Variants in HIVEP2 observed in about 807,000 individuals in gnomAD.
HIVEP2 encodes transcription factor HIVEP2.
A neutral mutation model predicts 180.7 loss-of-function variants in HIVEP2; 14 were observed. The ratio of observed to expected loss-of-function variants is 0.08; its 90% CI spans 0.05 to 0.12. The LOEUF (loss-of-function observed/expected upper bound fraction) is 0.12, where lower values mean the gene tolerates loss of function less well. Ranked by LOEUF, HIVEP2 falls within the 10% of genes least tolerant of loss-of-function variation. The probability of loss-of-function intolerance (pLI) is 1.00; values close to 1 mark genes in which losing one functional copy is unlikely to be tolerated. For synonymous variants in HIVEP2, 1,184 were observed against 1,136.4 expected (o/e 1.04, Z -0.84); for missense variants, 2,579 against 3,008.5 (o/e 0.86, Z 3.34).
At chr6:142,875,279 T>C (rs1776404847) in intron 1 of HIVEP2, among the ~76,000 whole-genome samples, 1 of 151,782 alleles carries the variant, frequency 6.6e-6, no homozygotes, top group African/African-American at 2.4e-5. Flanking sequence ...AAAAACAAGC[T>C]CAGCAAGTTT....
chr6:142,856,341 C>A (rs1290040533), intron 1 of HIVEP2, among the ~76,000 whole-genome samples: 1 of 152,142 alleles, frequency 6.6e-6, no homozygotes, highest in African/African-American at 2.4e-5. Context: ...GTCACTGCCC[C>A]CAAGACACTG....
intron 1 of HIVEP2, among the ~76,000 whole-genome samples, chr6:142,866,805 T>C (rs1245072403): frequency 1.3e-5 from 2 of 152,188 alleles, no homozygotes; most frequent in African/African-American, 2.4e-5. Flanking sequence ...GGGGTGAAAG[T>C]GCAATGAGCC....
chr6:142,796,562 C>T (rs1776283675), intron 2 of HIVEP2, among the ~76,000 whole-genome samples: 4 of 152,114 alleles, frequency 2.6e-5, no homozygotes, highest in Admixed American at 2.0e-4. Context: ...CATCTGTTTA[C>T]AGGATGAATT....
intron 1 of HIVEP2, among the ~76,000 whole-genome samples, chr6:142,919,979 C>T (rs892776476): frequency 3.3e-5 from 5 of 152,210 alleles, no homozygotes. Context: ...TGTATAAAAA[C>T]AGAGCTTCCT....
In HIVEP2 at chr6:142,845,692, A is replaced by G. The variant is rs1178035218; in HGVS notation, c.-640-8645T>C. ...TGATGTCCTCACTAACCAGGCTGCC[A>G]GGCTTAAATCAAATGAAGGTCGATG... On this transcript the variant is annotated intron_variant, in intron 1 of 9. Transcript: ENST00000367603. Among the ~76,000 whole-genome samples, 3 of 152,238 alleles carry G rather than the reference A, an allele frequency of 2.0e-5. No homozygotes were observed. The East Asian group carries it at 5.8e-4, about 29-fold the overall frequency.
chr6:142,941,064 A>G (rs1199796478), intron 1 of HIVEP2, among the ~76,000 whole-genome samples: 1 of 152,216 alleles, frequency 6.6e-6, no homozygotes, highest in African/African-American at 2.4e-5. Flanking sequence ...AAATACCTCA[A>G]ATGATGAGTA....
At chr6:142,905,037 G>A (rs925483335) in intron 1 of HIVEP2, among the ~76,000 whole-genome samples, 2 of 152,062 alleles carry the variant, frequency 1.3e-5, no homozygotes, top group African/African-American at 4.8e-5. Flanking sequence ...GATGATTTGG[G>A]TTGCCCACTT....
intron 1 of HIVEP2, among the ~76,000 whole-genome samples, chr6:142,895,392 GGTAT>G (rs1776961798): frequency 6.6e-6 from 1 of 151,816 alleles, no homozygotes; most frequent in African/African-American, 2.4e-5. Flanking sequence ...GATGTAGGAT[GGTAT>G]GTATAGCAAT....
chr6:142,821,519 A>G (rs1311509955), intron 2 of HIVEP2, among the ~76,000 whole-genome samples: 1 of 152,212 alleles, frequency 6.6e-6, no homozygotes, highest in Admixed American at 6.5e-5. Flanking sequence ...CAGTCTTTTC[A>G]TCCAGAAAAT....
chr6:142,875,002 G>T (rs1030146353), intron 1 of HIVEP2, among the ~76,000 whole-genome samples: 3 of 152,096 alleles, frequency 2.0e-5, no homozygotes, highest in African/African-American at 7.2e-5. Flanking sequence ...GTGACCTCAG[G>T]GAGTCCACAC....
At chr6:142,857,498 T>C (rs1775854759) in intron 1 of HIVEP2, among the ~76,000 whole-genome samples, 1 of 152,240 alleles carries the variant, frequency 6.6e-6, no homozygotes. Context: ...TATAGGTTTG[T>C]CAGCTAAAGA....
chr6:142,809,637 A>G (rs1037650216), intron 2 of HIVEP2, among the ~76,000 whole-genome samples: 16 of 151,982 alleles, frequency 1.1e-4, no homozygotes, highest in African/African-American at 3.9e-4. Flanking sequence ...TCTGTCAGCC[A>G]GGCTGGAGTG....
intron 1 of HIVEP2, among the ~76,000 whole-genome samples, chr6:142,910,115 C>A (rs1777366223): frequency 6.6e-6 from 1 of 152,192 alleles, no homozygotes; most frequent in Admixed American, 6.5e-5. Context: ...AAAATAAGGA[C>A]AAACAAGCTC....
chr6:142,757,686 T>C (rs1775112238), intron 9 of HIVEP2, among the ~76,000 whole-genome samples: 1 of 151,868 alleles, frequency 6.6e-6, no homozygotes, highest in Non-Finnish European at 1.5e-5. Context: ...TGATCAGATA[T>C]TTAAAAAAAA....
intron 1 of HIVEP2, among the ~76,000 whole-genome samples, chr6:142,916,030 C>T (rs1444986580): frequency 1.3e-5 from 2 of 152,154 alleles, no homozygotes; most frequent in East Asian, 1.9e-4. Context: ...TTCTAGGCTA[C>T]GTCCTCTCCT....
intron 1 of HIVEP2, among the ~76,000 whole-genome samples, chr6:142,871,923 C>T (rs1416140913): frequency 6.6e-6 from 1 of 151,964 alleles, no homozygotes; most frequent in Non-Finnish European, 1.5e-5. Context: ...AATTTAATAG[C>T]ACTACAACAA....
intron 2 of HIVEP2, among the ~76,000 whole-genome samples, chr6:142,820,478 A>G (rs1362841113): frequency 6.6e-6 from 1 of 152,192 alleles, no homozygotes; most frequent in Non-Finnish European, 1.5e-5. Context: ...GATCTGGAGG[A>G]GACCCCATGA....
intron 3 of HIVEP2, among the ~76,000 whole-genome samples, chr6:142,779,852 T>C (rs2114683627): frequency 6.6e-6 from 1 of 152,230 alleles, no homozygotes; most frequent in Non-Finnish European, 1.5e-5. Flanking sequence ...ATGCATCAAA[T>C]AAAATTCAGA....
chr6:142,814,691 A>G (rs1776787490), intron 2 of HIVEP2, among the ~76,000 whole-genome samples: 1 of 152,082 alleles, frequency 6.6e-6, no homozygotes, highest in Admixed American at 6.6e-5. Flanking sequence ...TCTTGAGGGA[A>G]AAGTATGATT....
Sources: allele counts gnomAD v4.1 joint callset (sites outside exome capture counted in the v4.1 genomes callset), GRCh38; gene constraint gnomAD v4.1.1; transcripts MANE v1.5; gene names NCBI Gene and HGNC (gene_info 2026-07-23, HGNC 2026-07-21).